The following STPG1 variants were observed in gnomAD, a reference collection of about 807,000 sequenced individuals.
STPG1 encodes sperm tail PG-rich repeat containing 1, also known as O(6)-methylguanine-induced apoptosis 2.
STPG1 carries 33 observed loss-of-function variants against 40.1 expected under a neutral mutation model. The ratio of observed to expected loss-of-function variants is 0.82; its 90% confidence interval spans 0.62 to 1.10. STPG1 has a LOEUF of 1.10. Ranked by LOEUF, STPG1 falls within the 50% of genes least tolerant of loss-of-function variation. STPG1 has a pLI of 0.00. For synonymous variants in STPG1, 150 were observed against 155.0 expected (o/e 0.97, Z 0.24); for missense variants, 396 against 415.1 (o/e 0.95, Z 0.40).
rs1642782529 is a variant in STPG1, at chr1:24,391,786, G to A, written c.71-107C>T. 16 of 1,175,782 alleles carry A rather than the reference G, an allele frequency of 1.4e-5. 1 individual carries two copies. Among genetic ancestry groups the A allele is most frequent in the Middle Eastern group, 3.0e-4 (1 of 3,328 alleles). 72.8% of individuals were successfully genotyped at this position (1,175,782 alleles called of 1,614,324 possible). A position where few individuals can be genotyped will look rare whatever the true frequency, so the allele number is the denominator to read the frequency against. On this transcript the variant is annotated intron_variant, in intron 2 of 8. Coordinates refer to ENST00000337248, the MANE Select transcript of STPG1 (RefSeq NM_001199013.2). ...AAGTTTTATTTTAAATGGTAGAGAA[G>A]AGAAACTTGCCTTTTGACAGGAAAC...
At position 24,393,090 on chromosome 1, in the gene STPG1, TC is replaced by T. The variant is rs558255024; in HGVS notation, c.71-1412del. On this transcript the variant is annotated intron_variant, in intron 2 of 8. Coordinates refer to ENST00000337248, the MANE Select transcript of STPG1 (RefSeq NM_001199013.2). ...AGGCTTAGAGGGATTAAGTTACTCA[TC>T]CGAATCACCCAGCACTTAAGCGGAA... Among the ~76,000 whole-genome samples, 9 of 152,310 alleles carry T rather than the reference TC, an allele frequency of 5.9e-5. No individual in the cohort carries two copies. In the South Asian group the frequency reaches 1.9e-3, roughly 32 times the overall value.
At chr1:24,403,083 G>A (rs1041585695) in intron 1 of STPG1, among the ~76,000 whole-genome samples, 1 of 152,004 alleles carries the variant, frequency 6.6e-6, no homozygotes, top group Admixed American at 6.6e-5. Flanking sequence ...TATAGTTTTA[G>A]CTCTTACATT....
intron 7 of STPG1, among the ~76,000 whole-genome samples, chr1:24,367,728 G>A (rs955104328): frequency 8.5e-5 from 13 of 152,128 alleles, no homozygotes; most frequent in Non-Finnish European, 1.9e-4. Context: ...TGGCCAGACT[G>A]GTCTCAAACT....
intron 7 of STPG1, chr1:24,364,173 A>G: frequency 6.1e-6 from 9 of 1,487,058 alleles, no homozygotes; most frequent in Non-Finnish European, 8.1e-6. Flanking sequence ...TGACGTTCTC[A>G]CTTTCTTCCA....
At chr1:24,367,206 T>A (rs777181139) in intron 7 of STPG1, among the ~76,000 whole-genome samples, 46 of 152,196 alleles carry the variant, frequency 3.0e-4, no homozygotes, top group Non-Finnish European at 5.7e-4. Context: ...GGTGTCCTGT[T>A]CACCTGAGCC....
At chr1:24,366,248 G>A (rs952712281) in intron 7 of STPG1, among the ~76,000 whole-genome samples, 8 of 152,162 alleles carry the variant, frequency 5.3e-5, no homozygotes, top group Non-Finnish European at 7.3e-5. Context: ...GCCGCTCCAC[G>A]TAGCCGTGGA....
At chr1:24,407,730 C>G (rs562366678) in intron 1 of STPG1, among the ~76,000 whole-genome samples, 18 of 152,228 alleles carry the variant, frequency 1.2e-4, no homozygotes, top group Non-Finnish European at 2.5e-4. Flanking sequence ...GCCACCATGC[C>G]CGGCCAAGTT....
intron 1 of STPG1, among the ~76,000 whole-genome samples, chr1:24,401,906 C>T (rs1031509803): frequency 5.9e-5 from 9 of 152,164 alleles, no homozygotes; most frequent in Non-Finnish European, 1.0e-4. Flanking sequence ...AGGCTGGTCT[C>T]GAACTCCTGA....
chr1:24,357,276 GGA>G lies in STPG1; in HGVS notation c.*1265_*1266del, dbSNP rs1358592483. 1 of 152,254 alleles carries G rather than the reference GGA, an allele frequency of 6.6e-6. No individual in the cohort carries two copies. Among genetic ancestry groups the G allele is most frequent in the Non-Finnish European group, 1.5e-5 (1 of 68,060 alleles). 9.4% of individuals were successfully genotyped at this position (152,254 alleles called of 1,614,324 possible). A position where few individuals can be genotyped will look rare whatever the true frequency, so the allele number is the denominator to read the frequency against. On this transcript the variant is annotated 3_prime_UTR_variant, in exon 9 of 9. Coordinates refer to ENST00000337248, the MANE Select transcript of STPG1 (RefSeq NM_001199013.2). ...TGATGTGTGAAGGTTAAATGACAGA[GGA>G]GTGTGGAACCACAGCCATGCTGTAG... is the stretch of plus-strand genomic sequence containing the variant.
At chr1:24,360,441 G>C (rs780261657) in intron 8 of STPG1, among the ~76,000 whole-genome samples, 2 of 152,160 alleles carry the variant, frequency 1.3e-5, no homozygotes, top group South Asian at 4.1e-4. Context: ...GCGAGACTCC[G>C]TCTCAAAAAA....
chr1:24,375,103 C>T (rs1246392257), intron 5 of STPG1, among the ~76,000 whole-genome samples: 1 of 152,132 alleles, frequency 6.6e-6, no homozygotes, highest in Non-Finnish European at 1.5e-5. Flanking sequence ...TCTCAACTTT[C>T]CTGAACTGAC....
chr1:24,384,040 T>TC (rs779725915), intron 3 of STPG1, 37 bp from the exon 4 acceptor site: 1 of 1,287,434 alleles, frequency 7.8e-7, no homozygotes, highest in Non-Finnish European at 1.1e-6. Context: ...TCGAGATACT[T>TC]CAATTCCATT....
At position 24,383,864 on chromosome 1, in the gene STPG1, G is replaced by T; in HGVS notation, c.291+38C>A. ...TATGCAATGAATGAAGGAAATTACT[G>T]ACCAGTTAATGCTTTACTCAAGAGA... On this transcript the variant is annotated intron_variant, in intron 4 of 8. Transcript: ENST00000337248. The T allele has an allele frequency of 3.1e-6, 4 of 1,270,096 alleles. No homozygotes were observed. The South Asian group carries it at 3.6e-5, about 11-fold the overall frequency. The allele number at this position is 1,270,096 out of a possible 1,614,324, so 78.7% of individuals were successfully genotyped here. A position where few individuals can be genotyped will look rare whatever the true frequency, so the allele number is the denominator to read the frequency against.
chr1:24,364,474 C>T (rs558326048), intron 7 of STPG1: 364 of 1,393,216 alleles, frequency 2.6e-4, no homozygotes, highest in Non-Finnish European at 2.9e-4. Flanking sequence ...TATTACTTTG[C>T]ATTTAAAATG....
rs373884846 is a variant in STPG1 at position 24,399,463 on chromosome 1, C to T, written c.70+1856G>A. Among the ~76,000 whole-genome samples, 1 of 152,056 alleles carries T rather than the reference C, an allele frequency of 6.6e-6. No individual in the cohort carries two copies. The highest frequency in any genetic ancestry group is 1.9e-4 in the East Asian group (1 of 5,192). On this transcript the variant is annotated intron_variant, in intron 2 of 8. Coordinates refer to ENST00000337248, the MANE Select transcript of STPG1 (RefSeq NM_001199013.2). This position sits in a 1 kb window ranked among gnomAD's most constrained non-coding sequence, Gnocchi z 4.0. ...AAAATAATAGAGTTTCTAGAAGAAA[C>T]TATCTTGGGATGGGCAAAGATTTCT...
At chr1:24,400,798 C>T (rs1643192463) in intron 2 of STPG1, among the ~76,000 whole-genome samples, 1 of 152,220 alleles carries the variant, frequency 6.6e-6, no homozygotes, top group Non-Finnish European at 1.5e-5. Context: ...GGGGATCTCA[C>T]CAATGTGGAT....
rs144925922 is a variant in STPG1, at chr1:24,406,958, T to A, written c.-68-5502A>T. On this transcript the variant is annotated intron_variant, in intron 1 of 8. Coordinates refer to ENST00000337248, the MANE Select transcript of STPG1 (RefSeq NM_001199013.2). ...TAATGTTGTGCAACCCTCACCACTA[T>A]CCGTCTCTGTAAATCTTTTCATTGT... Among the ~76,000 whole-genome samples, 59 of 152,318 alleles carry A rather than the reference T, an allele frequency of 3.9e-4. No homozygotes were observed. The East Asian group carries it at 0.011, about 28-fold the overall frequency.
rs1412685911 is a variant in STPG1, at chr1:24,359,501, T to C, written c.929-882A>G. On this transcript the variant is annotated intron_variant, in intron 8 of 8. Transcript: ENST00000337248. This position sits in a 1 kb window ranked among gnomAD's most constrained non-coding sequence, Gnocchi z 5.3. Reference sequence around the variant, plus strand: ...CTCTACAGCCTTGCTGGTGTGATTATCACCACATTTGCAAGGCCAAAGCTA... The same window carrying C: ...CTCTACAGCCTTGCTGGTGTGATTACCACCACATTTGCAAGGCCAAAGCTA... Among the ~76,000 whole-genome samples, 3 of 152,216 alleles carry C rather than the reference T, an allele frequency of 2.0e-5. No individual in the cohort carries two copies. The highest frequency in any genetic ancestry group is 4.8e-5 in the African/African-American group (2 of 41,452).
intron 1 of STPG1, among the ~76,000 whole-genome samples, chr1:24,402,015 G>A (rs1643246857): frequency 6.6e-6 from 1 of 152,086 alleles, no homozygotes; most frequent in Non-Finnish European, 1.5e-5. Flanking sequence ...GCTTTACTGA[G>A]ACATAATGTA....
Sources: allele counts gnomAD v4.1 joint callset (sites outside exome capture counted in the v4.1 genomes callset), GRCh38; gene constraint gnomAD v4.1.1; non-coding constraint Gnocchi (gnomAD v3.1); transcripts MANE v1.5; gene names NCBI Gene and HGNC (gene_info 2026-07-23, HGNC 2026-07-21).